Variants in PLEKHA5 observed in about 807,000 individuals in gnomAD.
PLEKHA5 encodes the protein pleckstrin homology domain-containing family A member 5.
Under a neutral mutation model 181.9 loss-of-function variants are expected in PLEKHA5, and 55 were observed. The observed-to-expected ratio is 0.30, with a 90% CI of 0.24 to 0.38. The LOEUF (loss-of-function observed/expected upper bound fraction) is 0.38, where lower values mean the gene tolerates loss of function less well. PLEKHA5 is among the 10% of genes least tolerant of loss of function. The probability of loss-of-function intolerance (pLI) is 1.00; values close to 1 mark genes in which losing one functional copy is unlikely to be tolerated. For synonymous variants in PLEKHA5, 535 were observed against 529.4 expected (o/e 1.01, Z -0.15); for missense variants, 1,432 against 1,549.5 (o/e 0.92, Z 1.27).
chr12:19,234,914 A>G (rs991173464), intron 3 of PLEKHA5, among the ~76,000 whole-genome samples: 1 of 152,036 alleles, frequency 6.6e-6, no homozygotes, highest in African/African-American at 2.4e-5. Context: ...GTTTTTTATT[A>G]TCTTTTAGTT....
chr12:19,312,303 G>C (rs938166159), intron 15 of PLEKHA5, among the ~76,000 whole-genome samples: 1 of 152,174 alleles, frequency 6.6e-6, no homozygotes, highest in Non-Finnish European at 1.5e-5. Flanking sequence ...CCCCAAACAA[G>C]AGTGTCATCC....
chr12:19,235,315 A>G (rs2061251967), intron 3 of PLEKHA5, among the ~76,000 whole-genome samples: 1 of 152,160 alleles, frequency 6.6e-6, no homozygotes, highest in South Asian at 2.1e-4. Context: ...TTGTAAGACA[A>G]CTCAGATTGA....
At chr12:19,372,334 T>C (rs2095601337) in intron 31 of PLEKHA5, 1 of 152,130 alleles carries the variant, frequency 6.6e-6, no homozygotes, top group South Asian at 2.1e-4. Flanking sequence ...CTCATTGTTG[T>C]GTACCTTCTT....
At chr12:19,238,818 A>AAG (rs2061890719) in intron 3 of PLEKHA5, among the ~76,000 whole-genome samples, 3 of 149,858 alleles carry the variant, frequency 2.0e-5, no homozygotes, top group Non-Finnish European at 3.0e-5. Context: ...AAAAAAAAAA[A>AAG]AAGGAAGAGG....
In PLEKHA5 at chr12:19,329,913, C is replaced by CAA. The variant is rs34020561; in HGVS notation, c.2449-6593_2449-6592dup. 4.2e-5 allele frequency among the ~76,000 whole-genome samples: 6 copies of CAA among 142,746 alleles called. No homozygotes were observed. The East Asian group carries it at 8.1e-4, about 19-fold the overall frequency. 93.6% of individuals were successfully genotyped at this position (142,746 alleles called of 152,430 possible). On this transcript the variant is annotated intron_variant, in intron 20 of 31. Transcript: ENST00000429027. The stretch of plus-strand genomic sequence containing the variant: ...GCAATATGGTGAAACTCCATCTCTA[C>CAA]AAAAAAAAAAGCAAAAAACAAAAAA...
intron 3 of PLEKHA5, among the ~76,000 whole-genome samples, chr12:19,230,327 C>T (rs532800925): frequency 2.6e-5 from 4 of 152,344 alleles, no homozygotes; most frequent in Non-Finnish European, 5.9e-5. Flanking sequence ...GGGCCGCAGG[C>T]GGACCTGCCC....
intron 3 of PLEKHA5, among the ~76,000 whole-genome samples, chr12:19,171,228 A>G (rs1242326691): frequency 1.3e-5 from 2 of 152,168 alleles, no homozygotes; most frequent in African/African-American, 2.4e-5. Context: ...GAAGAAATCA[A>G]TTGAGAGAGG....
intron 3 of PLEKHA5, among the ~76,000 whole-genome samples, chr12:19,186,893 G>A (rs2049995458): frequency 6.6e-6 from 1 of 152,090 alleles, no homozygotes; most frequent in Non-Finnish European, 1.5e-5. Context: ...GAAGGTCGAG[G>A]AATAACAATA....
intron 9 of PLEKHA5, 65 bp from the exon 10 acceptor site, chr12:19,270,123 C>T (rs946965849): frequency 2.1e-6 from 2 of 944,778 alleles, no homozygotes; most frequent in African/African-American, 3.4e-5. Flanking sequence ...TCATTTTCAC[C>T]TATCGGTGTA....
At chr12:19,274,356 A>G (rs994099899) in intron 10 of PLEKHA5, 160 bp from the exon 11 acceptor site, 15 of 601,888 alleles carry the variant, frequency 2.5e-5, no homozygotes, top group African/African-American at 2.2e-4. Flanking sequence ...TTGAATGTTA[A>G]TATCACAGCA....
chr12:19,297,753 A>AT (rs36109060), intron 15 of PLEKHA5, among the ~76,000 whole-genome samples: 9,578 of 138,982 alleles, frequency 0.069, 337 homozygotes, highest in South Asian at 0.12. Context: ...GTAAATTATT[A>AT]TTTTTTTTTT....
intron 3 of PLEKHA5, among the ~76,000 whole-genome samples, chr12:19,215,612 A>G (rs1013615143): frequency 3.3e-5 from 5 of 152,198 alleles, no homozygotes; most frequent in African/African-American, 1.2e-4. Flanking sequence ...TCATAAAATA[A>G]GCCATATAAA....
In PLEKHA5 at chr12:19,365,569, T is replaced by G. The variant is rs1362185596; in HGVS notation, c.3609-395T>G. Among the ~76,000 whole-genome samples the G allele has an allele frequency of 5.9e-5, 9 of 152,292 alleles. No individual in the cohort carries two copies. In the East Asian group the frequency reaches 1.7e-3, roughly 29 times the overall value. The stretch of plus-strand genomic sequence containing the variant: ...TGTCAGGCAATATATGGACCTTGTT[T>G]GGATCCTGATTCTAATTCTAAAATG... On this transcript the variant is annotated intron_variant, in intron 29 of 31. Transcript: ENST00000429027.
chr12:19,171,330 T>G (rs569140830), intron 3 of PLEKHA5, among the ~76,000 whole-genome samples: 5 of 152,246 alleles, frequency 3.3e-5, no homozygotes, highest in African/African-American at 9.6e-5. Context: ...TGGGAAGATT[T>G]TAATGTTTCT....
At chr12:19,329,997 G>A (rs1021343215) in intron 20 of PLEKHA5, among the ~76,000 whole-genome samples, 4 of 151,712 alleles carry the variant, frequency 2.6e-5, no homozygotes, top group African/African-American at 9.7e-5. Flanking sequence ...GGCTGAGGCA[G>A]CAGGATGACC....
chr12:19,341,136 G>C (rs573289885), intron 21 of PLEKHA5, among the ~76,000 whole-genome samples: 1 of 151,990 alleles, frequency 6.6e-6, no homozygotes, highest in African/African-American at 2.4e-5. Flanking sequence ...AGAGAGCTGG[G>C]CATGGTGTCA....
At chr12:19,231,619 C>T (rs376831331) in intron 3 of PLEKHA5, among the ~76,000 whole-genome samples, 2,300 of 27,916 alleles carry the variant, frequency 0.082, 4 homozygotes, top group Non-Finnish European at 0.19. Flanking sequence ...TATAAATACT[C>T]ATAAAGCTTG....
intron 12 of PLEKHA5, 25 bp downstream of exon 12, chr12:19,283,770 TA>T (rs757439797): frequency 7.1e-7 from 1 of 1,413,942 alleles, no homozygotes; most frequent in East Asian, 2.3e-5. Flanking sequence ...GATTTTGTGT[TA>T]ACTCACTACC....
At chr12:19,146,146 A>T (rs570868879) in intron 3 of PLEKHA5, among the ~76,000 whole-genome samples, 14 of 152,330 alleles carry the variant, frequency 9.2e-5, no homozygotes, top group African/African-American at 3.1e-4. Context: ...TTACTGTTAG[A>T]CAGCTTTCTT....
Sources: allele counts gnomAD v4.1 joint callset (sites outside exome capture counted in the v4.1 genomes callset), GRCh38; gene constraint gnomAD v4.1.1; transcripts MANE v1.5; gene names NCBI Gene and HGNC (gene_info 2026-07-23, HGNC 2026-07-21).